Variants in CAVIN1 observed in about 807,000 individuals in gnomAD.
CAVIN1 encodes the protein caveolae-associated protein 1.
In CAVIN1, 16 loss-of-function variants were observed where a neutral mutation model predicts 24.0. That is an observed-to-expected ratio of 0.67 (90% confidence interval 0.45 to 1.01). The LOEUF is 1.01. CAVIN1 is among the 50% of genes least tolerant of loss of function. CAVIN1 has a pLI of 0.00. For missense variants in CAVIN1, 510 were observed against 551.7 expected, an observed-to-expected ratio of 0.92 and a Z score of 0.76; for synonymous variants, 256 against 256.4, an observed-to-expected ratio of 1.00 and a Z score of 0.02.
chr17:42,411,912 A>G (rs111789687), intron 1 of CAVIN1: 147 of 985,258 alleles, frequency 1.5e-4, no homozygotes, highest in Non-Finnish European at 1.7e-4. Context: ...GTGTTCTCAC[A>G]GTACCCGGCA....
chr17:42,405,497 G>A, intron 1 of CAVIN1, 109 bp from the exon 2 acceptor site: 1 of 1,174,098 alleles, frequency 8.5e-7, no homozygotes. Flanking sequence ...GGACGCTCGT[G>A]GTCCCCAGGA....
intron 1 of CAVIN1, among the ~76,000 whole-genome samples, chr17:42,422,099 C>A (rs1363564603): frequency 4.6e-5 from 7 of 152,194 alleles, no homozygotes; most frequent in Admixed American, 4.6e-4. Context: ...GCGTTCCCCG[C>A]TTGGCACAGC....
intron 1 of CAVIN1, among the ~76,000 whole-genome samples, chr17:42,416,166 G>A (rs1386389062): frequency 2.0e-5 from 3 of 151,976 alleles, no homozygotes; most frequent in Non-Finnish European, 4.4e-5. Context: ...TCAGGAGTTC[G>A]AGACCAGCCT....
chr17:42,422,942 C>T lies in CAVIN1; in HGVS notation c.156G>A (p.Val52=), dbSNP rs749905237. ...ELIKSDQVNG[V]LVLSLLDKII... ...TTTTGTCCAGGAGGCTCAGCACCAG[C>T]ACGCCGTTCACCTGGTCCGACTTGA... The change falls in exon 1 of 2, where the codon GTG becomes GTA. Residue 52 remains valine, a synonymous_variant. Transcript: ENST00000357037. The T allele has an allele frequency of 2.5e-6, 4 of 1,614,036 alleles. No individual in the cohort carries two copies. The highest frequency in any genetic ancestry group is 2.5e-6 in the Non-Finnish European group (3 of 1,180,014).
At chr17:42,410,941 C>T (rs1198661845) in intron 1 of CAVIN1, among the ~76,000 whole-genome samples, 1 of 136,422 alleles carries the variant, frequency 7.3e-6, no homozygotes, top group Non-Finnish European at 1.5e-5. Context: ...TTGAAAGGGC[C>T]AGGGGTGGTG....
intron 1 of CAVIN1, chr17:42,411,396 A>T (rs543631849): frequency 3.5e-5 from 34 of 982,754 alleles, no homozygotes; most frequent in African/African-American, 2.8e-4. Context: ...TCTAAAAAAA[A>T]TTTTTTTAAC....
At position 42,412,020 on chromosome 17, in the gene CAVIN1, C is replaced by G. The variant is rs183048102; in HGVS notation, c.472-6632G>C. On this transcript the variant is annotated intron_variant, in intron 1 of 1. Transcript: ENST00000357037. ...AGTGGACTGAAGAGATACCCCACGC[C>G]CACAGAACGGGATCCGGGAGACCCT... 538 of 985,420 alleles carry G rather than the reference C, an allele frequency of 5.5e-4. No individual in the cohort carries two copies. The African/African-American group carries it at 8.7e-3, about 16-fold the overall frequency. The allele number at this position is 985,420 out of a possible 1,614,324, so 61.0% of individuals were successfully genotyped here.
At chr17:42,411,848 C>T in intron 1 of CAVIN1, 1 of 985,376 alleles carries the variant, frequency 1.0e-6, no homozygotes, top group African/African-American at 1.7e-5. Flanking sequence ...CCCTTCCATT[C>T]CCCTCCCATC....
Position 42,404,707 on chromosome 17 carries a change from C to A in CAVIN1, c.1153G>T (p.Asp385Tyr). Reference sequence around the variant, plus strand: ...GCGGCTCAGTCGCTGTCGCTCTTGTCCACCAGCACGGCGTCCGACTCCTCG... The same window carrying A: ...GCGGCTCAGTCGCTGTCGCTCTTGTACACCAGCACGGCGTCCGACTCCTCG... ...ITEESDAVLV[D>Y]KSDSD Residue 385 changes from aspartate to tyrosine, a missense_variant, in exon 2 of 2, where the codon GAC becomes TAC. Asp to Tyr is a radical substitution (Grantham distance 160). Transcript: ENST00000357037. 1 of 1,483,158 alleles carries A rather than the reference C, an allele frequency of 6.7e-7. No individual in the cohort carries two copies. 91.9% of individuals were successfully genotyped at this position (1,483,158 alleles called of 1,614,324 possible).
rs2085491030 is a variant in CAVIN1 at position 42,413,267 on chromosome 17, G to T, written c.472-7879C>A. Among the ~76,000 whole-genome samples the T allele has an allele frequency of 2.0e-5, 3 of 151,836 alleles. No homozygotes were observed. In the South Asian group the frequency reaches 6.2e-4, roughly 32 times the overall value. ...CTCATTTTAAATGCTTCATCAAGAG[G>T]GCCCTGGGAGCTGGGCACAGTGGCT... On this transcript the variant is annotated intron_variant, in intron 1 of 1. Coordinates refer to ENST00000357037, the MANE Select transcript of CAVIN1 (RefSeq NM_012232.6).
rs1217444328 is a variant in CAVIN1, at chr17:42,423,017, A to G, written c.81T>C (p.Ala27=). Reference sequence around the variant, plus strand: ...ACGGCTCCTCCGCTGCCTGAGCCCCAGCGGAGGAAGGCTCCGGGGCCTCGG... The same window carrying G: ...ACGGCTCCTCCGCTGCCTGAGCCCCGGCGGAGGAAGGCTCCGGGGCCTCGG... The part of the protein sequence containing the change: ...PDAEAPEPSS[A]GAQAAEEPSG... The change falls in exon 1 of 2, where the codon GCT becomes GCC. Residue 27 remains alanine, a synonymous_variant. Transcript: ENST00000357037. 6.2e-7 allele frequency: 1 copy of G among 1,612,448 alleles called. No homozygotes were observed. The highest frequency in any genetic ancestry group is 8.5e-7 in the Non-Finnish European group (1 of 1,179,652).
At chr17:42,418,024 G>T (rs1266694857) in intron 1 of CAVIN1, among the ~76,000 whole-genome samples, 2 of 152,068 alleles carry the variant, frequency 1.3e-5, no homozygotes, top group Non-Finnish European at 2.9e-5. Context: ...TGTTATAGTT[G>T]CCTACAGTAT....
intron 1 of CAVIN1, among the ~76,000 whole-genome samples, chr17:42,417,112 T>C (rs989531670): frequency 2.0e-5 from 3 of 152,100 alleles, no homozygotes; most frequent in African/African-American, 7.2e-5. Context: ...ATGAGCCGCA[T>C]AGCAACGTTT....
chr17:42,417,624 A>T, intron 1 of CAVIN1, among the ~76,000 whole-genome samples: 1 of 152,166 alleles, frequency 6.6e-6, no homozygotes, highest in East Asian at 1.9e-4. Context: ...TAGCCCATAC[A>T]ATTATATACA....
chr17:42,415,523 A>G (rs2085506621), intron 1 of CAVIN1, among the ~76,000 whole-genome samples: 1 of 152,006 alleles, frequency 6.6e-6, no homozygotes, highest in Non-Finnish European at 1.5e-5. Context: ...GACCCTGGGC[A>G]ATGTGGAGAA....
chr17:42,410,210 G>A (rs2085467696), intron 1 of CAVIN1, among the ~76,000 whole-genome samples: 1 of 152,182 alleles, frequency 6.6e-6, no homozygotes, highest in African/African-American at 2.4e-5. Context: ...TTGACTTAAG[G>A]CTGACCAGCT....
Position 42,404,715 on chromosome 17 carries a change from A to G in CAVIN1, c.1145T>C (p.Val382Ala). The G allele has an allele frequency of 6.7e-7, 1 of 1,487,490 alleles. No homozygotes were observed. The highest frequency in any genetic ancestry group is 8.9e-7 in the Non-Finnish European group (1 of 1,125,544). The allele number at this position is 1,487,490 out of a possible 1,614,324, so 92.1% of individuals were successfully genotyped here. A position where few individuals can be genotyped will look rare whatever the true frequency, so the allele number is the denominator to read the frequency against. The change falls in exon 2 of 2, where the codon GTG (valine) becomes GCG (alanine). Residue 382 changes from valine to alanine, a missense_variant. By Grantham distance (64) the Val-to-Ala change is moderately conservative. Coordinates refer to ENST00000357037, the MANE Select transcript of CAVIN1 (RefSeq NM_012232.6). ...LLEITEESDA[V>A]LVDKSDSD ...GTCGCTGTCGCTCTTGTCCACCAGC[A>G]CGGCGTCCGACTCCTCGGTGATCTC... is the stretch of plus-strand genomic sequence containing the variant.
Position 42,419,305 on chromosome 17 carries a change from G to GTTATTA in CAVIN1, c.471+3316_471+3321dup, listed in dbSNP as rs143185919. On this transcript the variant is annotated intron_variant, in intron 1 of 1. Transcript: ENST00000357037. ...ATGGCATTTTATTTTATTTATTGTT[G>GTTATTA]TTATTATTATTATTATTATTATTTT... 1.0e-3 allele frequency among the ~76,000 whole-genome samples: 152 copies of GTTATTA among 150,188 alleles called. 1 individual carries two copies. The Middle Eastern group carries it at 0.017, about 17-fold the overall frequency.
intron 1 of CAVIN1, among the ~76,000 whole-genome samples, chr17:42,406,801 T>C (rs1251780743): frequency 6.6e-6 from 1 of 151,570 alleles, no homozygotes; most frequent in Non-Finnish European, 1.5e-5. Context: ...TCCCCCACAT[T>C]TAGAAATTGA....
Sources: gnomAD v4.1 joint callset for allele counts (sites outside exome capture counted in the v4.1 genomes callset) on GRCh38, gnomAD v4.1.1 for gene constraint, MANE v1.5 for transcripts, NCBI Gene and HGNC (gene_info 2026-07-23, HGNC 2026-07-21) for gene names.